EI24: variants seen among roughly 807,000 people sequenced by gnomAD.
EI24 encodes etoposide-induced protein 2.4 homolog.
A neutral mutation model predicts 48.6 loss-of-function variants in EI24; 21 were observed. That is an observed-to-expected ratio of 0.43 (90% CI 0.31 to 0.62). The LOEUF is 0.62. Ranked by LOEUF, EI24 falls within the 20% of genes least tolerant of loss-of-function variation. The pLI is 0.10. For missense variants in EI24, 280 were observed against 410.5 expected, an observed-to-expected ratio of 0.68 and a Z score of 2.75; for synonymous variants, 114 against 145.5, an observed-to-expected ratio of 0.78 and a Z score of 1.56.
At position 125,584,229 on chromosome 11, in the gene EI24, C is replaced by CAAAAGAAAAA. The variant is rs1939134697; in HGVS notation, c.*550_*551insGAAAAAAAAA. On this transcript the variant is annotated 3_prime_UTR_variant, in exon 11 of 11. Transcript: ENST00000278903. ...GGTTTTGGTCTCTCTTGCTCCACTG[C>CAAAAGAAAAA]AAAAAAAAAAAAAAAAAAAAAAAAA... is the stretch of plus-strand genomic sequence containing the variant. 2.0e-5 allele frequency: 1 copy of CAAAAGAAAAA among 49,658 alleles called. No individual in the cohort carries two copies. The highest frequency in any genetic ancestry group is 9.7e-5 in the African/African-American group (1 of 10,310). The allele number at this position is 49,658 out of a possible 1,614,324, so 3.1% of individuals were successfully genotyped here.
intron 1 of EI24, chr11:125,570,349 G>A (rs1938489665): frequency 6.6e-6 from 1 of 152,186 alleles, no homozygotes; most frequent in South Asian, 2.1e-4. Flanking sequence ...TTCCCCCTGT[G>A]TCATTCAGTC....
chr11:125,580,198 A>G lies in EI24; in HGVS notation c.667A>G (p.Asn223Asp). The change falls in exon 8 of 11, where the codon AAT becomes GAT. Residue 223 changes from asparagine (N) to aspartate (D), a missense_variant. By Grantham distance (23) the Asn-to-Asp change is conservative. Transcript: ENST00000278903. ...GTACTGCTTTGAATATCGTTGGTTC[A>G]ATAAAGGTAAGTCCATCTAAAGAAA... ...SLYCFEYRWFNKGIEMHQRLS... is the reference protein window; with the variant it reads ...SLYCFEYRWFDKGIEMHQRLS... The G allele has an allele frequency of 6.2e-7, 1 of 1,608,308 alleles. No homozygotes were observed. Among genetic ancestry groups the G allele is most frequent in the Non-Finnish European group, 8.5e-7 (1 of 1,174,774 alleles).
At position 125,578,929 on chromosome 11, in the gene EI24, G is replaced by T. The variant is rs755352123; in HGVS notation, c.442-20G>T. 6.4e-7 allele frequency: 1 copy of T among 1,560,886 alleles called. No homozygotes were observed. Reference sequence around the variant, plus strand: ...TCAAGGCCATTTAATTCATGTTTTGGTACACTTTCTCTGTTACAGGATATA... The same window carrying T: ...TCAAGGCCATTTAATTCATGTTTTGTTACACTTTCTCTGTTACAGGATATA... On this transcript the variant is annotated intron_variant, in intron 6 of 10. Coordinates refer to ENST00000278903, the MANE Select transcript of EI24 (RefSeq NM_004879.5).
At chr11:125,571,469 C>T (rs941933053) in intron 1 of EI24, among the ~76,000 whole-genome samples, 9 of 152,182 alleles carry the variant, frequency 5.9e-5, no homozygotes, top group African/African-American at 1.9e-4. Flanking sequence ...AATGGGAAAG[C>T]CTTACTGTTT....
At chr11:125,582,138 C>T (rs533251037) in intron 9 of EI24, among the ~76,000 whole-genome samples, 25 of 151,536 alleles carry the variant, frequency 1.6e-4, no homozygotes, top group Non-Finnish European at 2.5e-4. Context: ...GCGGAGGTTG[C>T]GGTGAGTTGA....
At chr11:125,572,904 A>T in intron 2 of EI24, among the ~76,000 whole-genome samples, 1 of 150,020 alleles carries the variant, frequency 6.7e-6, no homozygotes, top group East Asian at 2.0e-4. Flanking sequence ...TAGTACAGAG[A>T]GTTCCTGTAT....
In EI24 at chr11:125,572,542, C is replaced by G; in HGVS notation, c.15C>G (p.Val5=). 6.2e-7 allele frequency: 1 copy of G among 1,613,354 alleles called. No homozygotes were observed. Among genetic ancestry groups the G allele is most frequent in the South Asian group, 1.1e-5 (1 of 91,026 alleles). ...GTGGTGAAGAGATGGCTGACAGTGT[C>G]AAAACCTTTCTCCAGGACCTTGCCA... The part of the protein sequence containing the change: MADS[V]KTFLQDLARG... The change falls in exon 2 of 11, where the codon GTC becomes GTG. Residue 5 remains valine (V), a synonymous_variant. Transcript: ENST00000278903.
chr11:125,580,047 G>A (rs372020304), intron 7 of EI24, 46 bp from the exon 8 acceptor site: 1 of 1,453,850 alleles, frequency 6.9e-7, no homozygotes, highest in Non-Finnish European at 9.7e-7. Context: ...AATGGTGCTA[G>A]GTTTCCGAGG....
intron 1 of EI24, among the ~76,000 whole-genome samples, chr11:125,571,094 C>T (rs1938519040): frequency 6.6e-6 from 1 of 152,214 alleles, no homozygotes; most frequent in African/African-American, 2.4e-5. Flanking sequence ...ATATCCCCTG[C>T]TCTTCCAGTT....
intron 1 of EI24, among the ~76,000 whole-genome samples, chr11:125,572,151 G>A (rs1289400666): frequency 6.6e-6 from 1 of 152,178 alleles, no homozygotes; most frequent in Non-Finnish European, 1.5e-5. Context: ...ATAGTTAGGG[G>A]CATTGAGGCT....
intron 2 of EI24, among the ~76,000 whole-genome samples, chr11:125,573,829 A>C (rs1027866369): frequency 6.6e-6 from 1 of 151,260 alleles, no homozygotes; most frequent in Non-Finnish European, 1.5e-5. Context: ...TTACAAGCAC[A>C]CACCACCACG....
At position 125,572,634 on chromosome 11, in the gene EI24, C is replaced by A. The variant is rs1406609615; in HGVS notation, c.42+65C>A. 16 of 1,470,966 alleles carry A rather than the reference C, an allele frequency of 1.1e-5. No homozygotes were observed. The South Asian group carries it at 1.2e-4, about 11-fold the overall frequency. The allele number at this position is 1,470,966 out of a possible 1,614,324, so 91.1% of individuals were successfully genotyped here. On this transcript the variant is annotated intron_variant, in intron 2 of 10. Transcript: ENST00000278903. ...TTTTTTTTTTTGCTGAAGGAACCAT[C>A]TAGGAAATCCTTTAGGGTTTTTGGA...
intron 4 of EI24, 69 bp downstream of exon 4, chr11:125,576,384 T>A: frequency 2.8e-6 from 4 of 1,406,322 alleles, no homozygotes; most frequent in Non-Finnish European, 4.0e-6. Context: ...AGCTATGAAC[T>A]GTTTTCTTGA....
chr11:125,575,404 G>T lies in EI24; in HGVS notation c.184G>T (p.Glu62Ter). ...AGCCCAGAGTATAGAGCGGAAGCAA[G>T]AGAGGTAAGGAGTGCATGCCTGATA... ...RRAQSIERKQ[E>*]SEPRIVSRIF... is the part of the protein sequence containing the mutation. Residue 62 changes from glutamate to a stop codon, truncating the protein, a stop_gained, in exon 3 of 11, where the codon GAG becomes TAG. Coordinates refer to ENST00000278903, the MANE Select transcript of EI24 (RefSeq NM_004879.5). LOFTEE classifies it high-confidence loss of function. 6.3e-7 allele frequency: 1 copy of T among 1,587,352 alleles called. No individual in the cohort carries two copies. The highest frequency in any genetic ancestry group is 1.1e-5 in the South Asian group (1 of 87,126).
intron 3 of EI24, chr11:125,575,738 A>G (rs952600393): frequency 4.2e-6 from 1 of 238,028 alleles, no homozygotes; most frequent in South Asian, 4.6e-5. Context: ...CAGACTTTAG[A>G]AAATAAATTA....
chr11:125,579,135 C>T, intron 7 of EI24, 67 bp downstream of exon 7: 3 of 1,462,794 alleles, frequency 2.1e-6, no homozygotes, highest in Non-Finnish European at 2.8e-6. Context: ...CTAGAGAGAA[C>T]TTCACAAAGA....
chr11:125,581,603 G>A (rs1385733702), intron 9 of EI24, among the ~76,000 whole-genome samples: 1 of 127,152 alleles, frequency 7.9e-6, no homozygotes, highest in Non-Finnish European at 1.6e-5. Context: ...CTAGAGTGCA[G>A]TGGTGTAATC....
chr11:125,572,270 G>GA lies in EI24; in HGVS notation c.-70-180dup, dbSNP rs576966194. On this transcript the variant is annotated intron_variant, in intron 1 of 10. Transcript: ENST00000278903. ...AAATGAAAGGGTGGTGAGTGTTTTAGAAAAAAAATAGGGATTTTAGGTTTC... is the reference window on the plus strand; with the variant it reads ...AAATGAAAGGGTGGTGAGTGTTTTAGAAAAAAAAATAGGGATTTTAGGTTTC... Among the ~76,000 whole-genome samples, 17 of 151,630 alleles carry GA rather than the reference G, an allele frequency of 1.1e-4. No individual in the cohort carries two copies. The South Asian group carries it at 2.7e-3, about 24-fold the overall frequency.
Position 125,576,328 on chromosome 11 carries a change from A to T in EI24, c.249+13A>T, listed in dbSNP as rs780138203. ...TGGAGTGTTCTGGGTAAGTTCTTTA[A>T]ATTCCAGGTGCCTTATAAGCATCTT... On this transcript the variant is annotated intron_variant, in intron 4 of 10. Coordinates refer to ENST00000278903, the MANE Select transcript of EI24 (RefSeq NM_004879.5). 3.1e-6 allele frequency: 5 copies of T among 1,613,026 alleles called. No individual in the cohort carries two copies. Among genetic ancestry groups the T allele is most frequent in the Non-Finnish European group, 4.2e-6 (5 of 1,179,340 alleles).
Sources: allele counts gnomAD v4.1 joint callset (sites outside exome capture counted in the v4.1 genomes callset), GRCh38; gene constraint gnomAD v4.1.1; transcripts MANE v1.5; gene names NCBI Gene and HGNC (gene_info 2026-07-23, HGNC 2026-07-21).